Variants in WWOX observed in about 807,000 individuals in gnomAD.
WWOX encodes WW domain-containing oxidoreductase.
In WWOX, 69 loss-of-function variants were observed where a neutral mutation model predicts 46.2. The ratio of observed to expected loss-of-function variants is 1.49; its 90% CI spans 1.23 to 1.82. The LOEUF is 1.82. WWOX is among the 40% of genes most tolerant of loss of function. The pLI is 0.00. For missense variants in WWOX, 919 were observed against 542.6 expected (o/e 1.69, Z -6.89); for synonymous variants, 359 against 202.6 (o/e 1.77, Z -6.56).
chr16:78,577,330 C>A (rs559001713), intron 8 of WWOX, among the ~76,000 whole-genome samples: 1 of 152,290 alleles, frequency 6.6e-6, no homozygotes, highest in African/African-American at 2.4e-5. Context: ...ATGTTTAAAA[C>A]CTTGTTCAGA....
chr16:78,364,747 A>G (rs1186519789), intron 5 of WWOX, among the ~76,000 whole-genome samples: 1 of 152,228 alleles, frequency 6.6e-6, no homozygotes. Flanking sequence ...TTGAAGGATT[A>G]ATGTGCTACC....
chr16:78,833,140 C>T (rs374241333), intron 8 of WWOX, among the ~76,000 whole-genome samples: 6 of 151,848 alleles, frequency 4.0e-5, no homozygotes, highest in African/African-American at 1.4e-4. Flanking sequence ...CTCCTAGGCT[C>T]AAGCGATCCT....
chr16:79,034,167 A>T (rs576546211), intron 8 of WWOX, among the ~76,000 whole-genome samples: 1 of 152,124 alleles, frequency 6.6e-6, no homozygotes, highest in African/African-American at 2.4e-5. Context: ...TTCTCCATCT[A>T]TAACATTTCC....
At chr16:78,901,139 A>G (rs1004234241) in intron 8 of WWOX, among the ~76,000 whole-genome samples, 9 of 152,140 alleles carry the variant, frequency 5.9e-5, no homozygotes, top group African/African-American at 1.9e-4. Context: ...TTCAGAGTCC[A>G]TTTTCATAGG....
At chr16:78,228,850 G>C in intron 5 of WWOX, among the ~76,000 whole-genome samples, 1 of 152,300 alleles carries the variant, frequency 6.6e-6, no homozygotes, top group Admixed American at 6.5e-5. Context: ...ACCTGGGTGA[G>C]GCTCTCGTGG....
chr16:78,806,656 A>G lies in WWOX; in HGVS notation c.1056+373904A>G, dbSNP rs972548746. ...TTCCAAGGGTGAGCGTCCCAAGAGA[A>G]AGAACCAAGCAGATGCTGCATTGCC... On this transcript the variant is annotated intron_variant, in intron 8 of 8. Transcript: ENST00000566780. 7.2e-5 allele frequency among the ~76,000 whole-genome samples: 11 copies of G among 152,218 alleles called. No individual in the cohort carries two copies. In the South Asian group the frequency reaches 1.0e-3, roughly 14 times the overall value.
intron 8 of WWOX, among the ~76,000 whole-genome samples, chr16:79,190,173 C>T (rs1298703324): frequency 6.6e-6 from 1 of 151,882 alleles, no homozygotes; most frequent in African/African-American, 2.4e-5. Flanking sequence ...TTTAGGTGTG[C>T]AACACCACGC....
At chr16:78,334,962 T>C (rs1480716908) in intron 5 of WWOX, among the ~76,000 whole-genome samples, 1 of 149,726 alleles carries the variant, frequency 6.7e-6, no homozygotes, top group Admixed American at 6.7e-5. Context: ...GAGATGGGCG[T>C]TTATTATGAG....
At chr16:79,201,164 G>C (rs1454794697) in intron 8 of WWOX, among the ~76,000 whole-genome samples, 4 of 152,044 alleles carry the variant, frequency 2.6e-5, no homozygotes, top group Admixed American at 6.5e-5. Context: ...TTCAGCACAG[G>C]GGATTTTCCT....
chr16:78,285,054 A>T (rs8055658), intron 5 of WWOX, among the ~76,000 whole-genome samples: 25,109 of 152,066 alleles, frequency 0.17, 3,393 homozygotes, highest in African/African-American at 0.36. Context: ...ACTTAAACCC[A>T]GAGGGCACTT....
At chr16:79,049,184 G>A (rs1343440263) in intron 8 of WWOX, among the ~76,000 whole-genome samples, 2 of 152,232 alleles carry the variant, frequency 1.3e-5, no homozygotes, top group Admixed American at 1.3e-4. Context: ...TTCTGCCAGT[G>A]TAACTCAAAA....
chr16:78,213,862 G>T (rs1390577953), intron 5 of WWOX, among the ~76,000 whole-genome samples: 2 of 152,184 alleles, frequency 1.3e-5, no homozygotes, highest in African/African-American at 4.8e-5. Context: ...AAGCCCTGGA[G>T]ACCTGAGGGC....
In WWOX at chr16:78,619,202, T is replaced by A. The variant is rs1453970817; in HGVS notation, c.1056+186450T>A. On this transcript the variant is annotated intron_variant, in intron 8 of 8. Coordinates refer to ENST00000566780, the MANE Select transcript of WWOX (RefSeq NM_016373.4). ...ATATATATATATATATATATATATA[T>A]ATATATATATATGTAGCCATGCATG... Among the ~76,000 whole-genome samples the A allele has an allele frequency of 3.6e-4, 18 of 49,570 alleles. 1 individual carries two copies. The highest frequency in any genetic ancestry group is 7.5e-4 in the African/African-American group (9 of 11,922). 32.5% of individuals were successfully genotyped at this position (49,570 alleles called of 152,430 possible). A position where few individuals can be genotyped will look rare whatever the true frequency, so the allele number is the denominator to read the frequency against.
intron 8 of WWOX, among the ~76,000 whole-genome samples, chr16:78,597,170 G>C (rs1347045982): frequency 6.6e-6 from 1 of 152,186 alleles, no homozygotes; most frequent in Admixed American, 6.5e-5. Context: ...AGGGAAAACA[G>C]CTTAGCAAGC....
At chr16:78,626,122 A>G (rs977750152) in intron 8 of WWOX, among the ~76,000 whole-genome samples, 1 of 151,136 alleles carries the variant, frequency 6.6e-6, no homozygotes, top group African/African-American at 2.4e-5. Flanking sequence ...CCAGGATACC[A>G]CTTTTATTTA....
At chr16:78,907,161 G>C (rs890009529) in intron 8 of WWOX, among the ~76,000 whole-genome samples, 8 of 152,048 alleles carry the variant, frequency 5.3e-5, no homozygotes, top group Non-Finnish European at 7.3e-5. Flanking sequence ...AAGAGAATGG[G>C]TACTGCTGAT....
chr16:78,566,148 C>G (rs925019684), intron 8 of WWOX, among the ~76,000 whole-genome samples: 1 of 152,074 alleles, frequency 6.6e-6, no homozygotes. Context: ...AGGAAGGGGT[C>G]TGGAACCTTT....
chr16:78,188,412 C>T (rs2035776908), intron 5 of WWOX, among the ~76,000 whole-genome samples: 1 of 150,552 alleles, frequency 6.6e-6, no homozygotes, highest in Non-Finnish European at 1.5e-5. Flanking sequence ...GGCGTGAACC[C>T]AGGAGGCGGA....
intron 8 of WWOX, among the ~76,000 whole-genome samples, chr16:79,009,960 G>C (rs1032454136): frequency 6.6e-6 from 1 of 152,200 alleles, no homozygotes; most frequent in African/African-American, 2.4e-5. Flanking sequence ...CCTTGGGCAA[G>C]TCATTGACCT....
Sources: gnomAD v4.1 joint callset for allele counts (sites outside exome capture counted in the v4.1 genomes callset) on GRCh38, gnomAD v4.1.1 for gene constraint, MANE v1.5 for transcripts, NCBI Gene and HGNC (gene_info 2026-07-23, HGNC 2026-07-21) for gene names.